PPP2R1B: variants seen among roughly 807,000 people sequenced by gnomAD.
The protein encoded by PPP2R1B is serine/threonine-protein phosphatase 2A 65 kDa regulatory subunit A beta isoform.
In PPP2R1B, 58 loss-of-function variants were observed where a neutral mutation model predicts 72.7. That is an observed-to-expected ratio of 0.80 (90% CI 0.65 to 0.99). PPP2R1B has a LOEUF of 0.99. PPP2R1B is among the 50% of genes least tolerant of loss of function. PPP2R1B has a pLI of 0.00. For synonymous variants in PPP2R1B, 256 were observed against 264.6 expected (o/e 0.97, Z 0.32); for missense variants, 695 against 733.6 (o/e 0.95, Z 0.61).
chr11:111,717,255 G>A, the PPP2R1B span, among the ~76,000 whole-genome samples: 1 of 131,056 alleles, frequency 7.6e-6, no homozygotes, highest in South Asian at 2.6e-4. Flanking sequence ...GGCAGAGCTT[G>A]CAGTGAGCTG....
At chr11:111,704,277 A>G in the PPP2R1B span, among the ~76,000 whole-genome samples, 1 of 152,230 alleles carries the variant, frequency 6.6e-6, no homozygotes, top group Non-Finnish European at 1.5e-5. Flanking sequence ...AGTGCTCTGC[A>G]TCCTGGTGCC....
the PPP2R1B span, among the ~76,000 whole-genome samples, chr11:111,693,678 G>T: frequency 2.6e-5 from 4 of 152,206 alleles, no homozygotes; most frequent in African/African-American, 9.6e-5. Context: ...TTCATGTAGA[G>T]TACTGAGTTG....
At chr11:111,692,162 G>C in the PPP2R1B span, among the ~76,000 whole-genome samples, 3 of 151,430 alleles carry the variant, frequency 2.0e-5, no homozygotes, top group Non-Finnish European at 1.5e-5. Flanking sequence ...ACCAGCCTGG[G>C]CAACATGGTG....
chr11:111,739,476 CCT>C lies in PPP2R1B; in HGVS notation c.*2118_*2119del. ...TAAGTCAGAAGGAAACAATGAAACC[CCT>C]GAGGGGTCACCACAAAAGACAGAGG... On this transcript the variant is annotated 3_prime_UTR_variant, in exon 15 of 15. Coordinates refer to ENST00000527614, the MANE Select transcript of PPP2R1B (RefSeq NM_002716.5). The C allele has an allele frequency of 2.0e-6, 2 of 985,300 alleles. No individual in the cohort carries two copies. The highest frequency in any genetic ancestry group is 4.7e-5 in the South Asian group (1 of 21,286). 61.0% of individuals were successfully genotyped at this position (985,300 alleles called of 1,614,324 possible).
chr11:111,765,319 T>A lies in PPP2R1B; in HGVS notation c.180A>T (p.Arg60=), dbSNP rs1555052682. 1 of 1,613,152 alleles carries A rather than the reference T, an allele frequency of 6.2e-7. No individual in the cohort carries two copies. The highest frequency in any genetic ancestry group is 8.5e-7 in the Non-Finnish European group (1 of 1,179,140). ...IALALGVERT[R]SELLPFLTDT... is the part of the protein sequence containing the mutation. ...CTGTAAGAAATGGCAACAATTCACT[T>A]CGGGTCCTTTCTACTCCAAGTGCTA... The change falls in exon 2 of 15, where the codon CGA becomes CGT. Residue 60 remains arginine, a synonymous_variant. Coordinates refer to ENST00000527614, the MANE Select transcript of PPP2R1B (RefSeq NM_002716.5).
intron 5 of PPP2R1B, among the ~76,000 whole-genome samples, chr11:111,756,570 G>A (rs1286456913): frequency 6.6e-6 from 1 of 152,148 alleles, no homozygotes; most frequent in Non-Finnish European, 1.5e-5. Flanking sequence ...CGCAGTAACA[G>A]GAGTGTAGGC....
At position 111,759,851 on chromosome 11, in the gene PPP2R1B, T is replaced by C. The variant is rs781795786; in HGVS notation, c.640A>G (p.Lys214Glu). ...GTGAACAGTGGAACAATTTCACTTT[T>C]CACACTGTCTAATTCCAAAACTTTT... ...FAKVLELDSV[K>E]SEIVPLFTSL... The change falls in exon 5 of 15, where the codon AAA (lysine) becomes GAA (glutamate). Residue 214 changes from lysine to glutamate, a missense_variant. Transcript: ENST00000527614. 3 of 1,614,138 alleles carry C rather than the reference T, an allele frequency of 1.9e-6. No individual in the cohort carries two copies. Among genetic ancestry groups the C allele is most frequent in the Admixed American group, 3.3e-5 (2 of 60,014 alleles).
chr11:111,709,715 G>A, the PPP2R1B span, among the ~76,000 whole-genome samples: 1 of 152,228 alleles, frequency 6.6e-6, no homozygotes, highest in East Asian at 1.9e-4. Context: ...AGACTCCTTT[G>A]GTCCCCTCAG....
chr11:111,741,575 C>G lies in PPP2R1B; in HGVS notation c.*21G>C, dbSNP rs762131978. ...ATTTGTGACAAGAATCTAGTAAAGG[C>G]CTTTTCCCTCCTGCTCCTCATTATG... On this transcript the variant is annotated 3_prime_UTR_variant, in exon 15 of 15. Transcript: ENST00000527614. 1.6e-5 allele frequency: 25 copies of G among 1,612,252 alleles called. No individual in the cohort carries two copies. The highest frequency in any genetic ancestry group is 2.0e-5 in the Non-Finnish European group (24 of 1,179,658).
At chr11:111,731,682 G>C (rs1464870185) in intron 15 of PPP2R1B, among the ~76,000 whole-genome samples, 1 of 152,214 alleles carries the variant, frequency 6.6e-6, no homozygotes, top group African/African-American at 2.4e-5. Context: ...GCAGTCGGCA[G>C]GGCCCACACT....
At chr11:111,733,881 G>T (rs773913396), downstream of PPP2R1B, among the ~76,000 whole-genome samples, 1 of 152,212 alleles carries the variant, frequency 6.6e-6, no homozygotes, top group Non-Finnish European at 1.5e-5. Context: ...GAGCAAGCCT[G>T]GGAGAGCAAG....
chr11:111,728,195 A>G (rs1944038881), intron 15 of PPP2R1B: 2 of 152,228 alleles, frequency 1.3e-5, no homozygotes, highest in Non-Finnish European at 2.9e-5. Flanking sequence ...GTGCCTAAAC[A>G]TGAAAGGTGA....
intron 8 of PPP2R1B, among the ~76,000 whole-genome samples, chr11:111,754,019 C>G (rs531130429): frequency 1.3e-5 from 2 of 151,754 alleles, no homozygotes; most frequent in African/African-American, 4.8e-5. Flanking sequence ...TGGGCTCAAG[C>G]AATCCTCCCA....
the PPP2R1B span, chr11:111,719,992 T>C: frequency 1.2e-6 from 2 of 1,613,708 alleles, no homozygotes; most frequent in Non-Finnish European, 1.7e-6. Context: ...CTGGTCGTGA[T>C]GCCTGGGGCA....
intron 9 of PPP2R1B, among the ~76,000 whole-genome samples, chr11:111,753,195 A>C (rs1591696718): frequency 6.6e-6 from 1 of 152,212 alleles, no homozygotes; most frequent in East Asian, 1.9e-4. Flanking sequence ...GAAACCAGGG[A>C]GTATAAAGCA....
chr11:111,720,661 C>A, the PPP2R1B span: 1 of 1,614,084 alleles, frequency 6.2e-7, no homozygotes, highest in Non-Finnish European at 8.5e-7. Context: ...CCTACCAACC[C>A]AGCCATGCAG....
At chr11:111,766,065 C>T in intron 1 of PPP2R1B, 183 bp downstream of exon 1, 1 of 634,530 alleles carries the variant, frequency 1.6e-6, no homozygotes, top group Non-Finnish European at 2.8e-6. Flanking sequence ...AGAGAGGTAC[C>T]CGGGAGGGTC....
downstream of PPP2R1B, among the ~76,000 whole-genome samples, chr11:111,735,809 C>A (rs942064607): frequency 1.3e-5 from 2 of 152,230 alleles, no homozygotes; most frequent in African/African-American, 2.4e-5. Flanking sequence ...GTCCACTACG[C>A]ACCCTAGACA....
At chr11:111,754,472 A>T in intron 8 of PPP2R1B, 27 bp downstream of exon 8, 1 of 1,587,228 alleles carries the variant, frequency 6.3e-7, no homozygotes, top group South Asian at 1.2e-5. Flanking sequence ...TATAAAAGAG[A>T]GTGAAACAAA....
Sources: gnomAD v4.1 joint callset for allele counts (sites outside exome capture counted in the v4.1 genomes callset) on GRCh38, gnomAD v4.1.1 for gene constraint, MANE v1.5 for transcripts, NCBI Gene and HGNC (gene_info 2026-07-23, HGNC 2026-07-21) for gene names.